CFAP47: variants seen among roughly 807,000 people sequenced by gnomAD.
CFAP47 encodes cilia- and flagella-associated protein 47.
In CFAP47, 29 loss-of-function variants were observed where a neutral mutation model predicts 148.1. The ratio of observed to expected loss-of-function variants is 0.20; its 90% CI spans 0.15 to 0.27. The LOEUF is 0.27. CFAP47 is among the 10% of genes least tolerant of loss of function. The probability of loss-of-function intolerance (pLI) is 1.00; values close to 1 mark genes in which losing one functional copy is unlikely to be tolerated. For synonymous variants in CFAP47, 664 were observed against 577.3 expected (o/e 1.15, Z -2.15); for missense variants, 1,872 against 1,697.5 (o/e 1.10, Z -1.81).
rs1337816860 is a variant in CFAP47, at chrX:36,379,487, G to A, written c.9323G>A (p.Cys3108Tyr). The change falls in exon 63 of 64, where the codon TGT becomes TAT. Residue 3108 changes from cysteine to tyrosine, a missense_variant. Transcript: ENST00000378653. The part of the protein sequence containing the change: ...ITVGFKPKMY[C>Y]RKYKATLVIQ... ...GTAGGATTTAAACCTAAAATGTACT[G>A]TAGGAAATATAAAGCAACATTAGTA... is the stretch of plus-strand genomic sequence containing the variant. 3.4e-6 allele frequency: 4 copies of A among 1,162,534 alleles called. No homozygotes were observed. Among genetic ancestry groups the A allele is most frequent in the African/African-American group, 1.8e-5 (1 of 55,651 alleles).
At chrX:36,208,943 G>A (rs782493279) in intron 45 of CFAP47, among the ~76,000 whole-genome samples, 3 of 111,221 alleles carry the variant, frequency 2.7e-5, no homozygotes, top group Non-Finnish European at 5.6e-5. Flanking sequence ...TTCAGCCTGG[G>A]CGACAAGAGA....
chrX:36,100,834 ATTCT>A (rs1001652547), intron 32 of CFAP47, among the ~76,000 whole-genome samples: 1 of 111,857 alleles, frequency 8.9e-6, no homozygotes, highest in African/African-American at 3.3e-5. Flanking sequence ...ACAGGCGCAC[ATTCT>A]TTCTTTCAAG....
At chrX:36,309,029 TTA>T (rs1421513724) in intron 55 of CFAP47, among the ~76,000 whole-genome samples, 1 of 111,642 alleles carries the variant, frequency 9.0e-6, no homozygotes. Flanking sequence ...CTAAATTAAA[TTA>T]TGTTACTACA....
chrX:35,966,688 G>A lies in CFAP47; in HGVS notation c.1534G>A (p.Val512Ile), dbSNP rs1444898459. 3 of 1,176,851 alleles carry A rather than the reference G, an allele frequency of 2.5e-6. No individual in the cohort carries two copies. Among genetic ancestry groups the A allele is most frequent in the East Asian group, 3.1e-5 (1 of 32,349 alleles). Reference sequence around the variant, plus strand: ...TTTGTCGGTAAAATCTTTCCATCACGTATATTTAGCTTTCAACAGCATCTG... The same window carrying A: ...TTTGTCGGTAAAATCTTTCCATCACATATATTTAGCTTTCAACAGCATCTG... ...QSLSVKSFHH[V>I]YLAFNSICKA... The change falls in exon 9 of 64, where the codon GTA (valine) becomes ATA (isoleucine). Residue 512 changes from valine to isoleucine, a missense_variant. Transcript: ENST00000378653.
At chrX:36,121,165 G>A (rs183885931) in intron 33 of CFAP47, among the ~76,000 whole-genome samples, 1 of 111,279 alleles carries the variant, frequency 9.0e-6, no homozygotes, top group East Asian at 2.8e-4. Context: ...TTTGTCTGAT[G>A]TAAGTATAGG....
intron 41 of CFAP47, among the ~76,000 whole-genome samples, chrX:36,189,690 T>C (rs1460388779): frequency 8.9e-6 from 1 of 112,081 alleles, no homozygotes; most frequent in Non-Finnish European, 1.9e-5. Flanking sequence ...ATATAGATAA[T>C]ACATCCTTTG....
chrX:36,148,262 A>G (rs1939261923), intron 36 of CFAP47, among the ~76,000 whole-genome samples: 1 of 111,608 alleles, frequency 9.0e-6, no homozygotes, highest in Admixed American at 9.5e-5. Flanking sequence ...TTACCTGAGC[A>G]ATGGCAGGAG....
Position 35,975,272 on chromosome X carries a change from A to G in CFAP47, c.2380A>G (p.Lys794Glu). The G allele has an allele frequency of 8.3e-7, 1 of 1,204,987 alleles. No homozygotes were observed. The change falls in exon 14 of 64, where the codon AAG becomes GAG. Residue 794 changes from lysine to glutamate, a missense_variant. Physicochemically the swap from Lys to Glu is moderately conservative, Grantham distance 56. Transcript: ENST00000378653. The part of the protein sequence containing the change: ...QLDTDLEELQ[K>E]TNQFSYVILP... Reference sequence around the variant, plus strand: ...AGATACTGATTTAGAAGAACTTCAGAAGACCAACCAATTTTCATACGTGAT... The same window carrying G: ...AGATACTGATTTAGAAGAACTTCAGGAGACCAACCAATTTTCATACGTGAT...
chrX:36,091,065 A>G (rs1470344831), intron 30 of CFAP47, among the ~76,000 whole-genome samples: 2 of 111,960 alleles, frequency 1.8e-5, no homozygotes, highest in African/African-American at 6.5e-5. Flanking sequence ...TAAGACATAA[A>G]GGTAAATATT....
intron 7 of CFAP47, 24 bp downstream of exon 7, chrX:35,953,743 A>G: frequency 5.3e-6 from 6 of 1,142,668 alleles, no homozygotes; most frequent in East Asian, 3.0e-5. Context: ...TAACAAAATT[A>G]TCAAATCCGT....
chrX:36,361,768 C>G (rs1941830595), intron 61 of CFAP47, among the ~76,000 whole-genome samples: 1 of 111,675 alleles, frequency 9.0e-6, no homozygotes, highest in African/African-American at 3.2e-5. Flanking sequence ...AGAGAATATT[C>G]TCTTCTGTAA....
At chrX:36,059,554 A>T (rs1376816417) in intron 26 of CFAP47, among the ~76,000 whole-genome samples, 1 of 112,118 alleles carries the variant, frequency 8.9e-6, no homozygotes, top group Non-Finnish European at 1.9e-5. Flanking sequence ...TCAAGGCGTG[A>T]TATTTAGCAG....
intron 49 of CFAP47, among the ~76,000 whole-genome samples, chrX:36,264,759 CT>C (rs1940870595): frequency 9.0e-6 from 1 of 111,555 alleles, no homozygotes; most frequent in African/African-American, 3.3e-5. Flanking sequence ...GGTATTTTTT[CT>C]GTGCAGATAA....
Position 36,353,654 on chromosome X carries a change from T to C in CFAP47, c.8824T>C (p.Ser2942Pro), listed in dbSNP as rs1941761669. ...AGTTTTAGTGATTCCAAAAAGAAATTCACATAATTTTTGTGAGGATCCCAA... is the reference window on the plus strand; with the variant it reads ...AGTTTTAGTGATTCCAAAAAGAAATCCACATAATTTTTGTGAGGATCCCAA... The part of the protein sequence containing the change: ...TEVLVIPKRN[S>P]HNFCEDPNEI... Residue 2942 changes from serine (S) to proline (P), a missense_variant, in exon 60 of 64, where the codon TCA (serine) becomes CCA (proline). By Grantham distance (74) the Ser-to-Pro change is moderately conservative. Coordinates refer to ENST00000378653, the MANE Select transcript of CFAP47 (RefSeq NM_001304548.2). 1 of 1,161,798 alleles carries C rather than the reference T, an allele frequency of 8.6e-7. No individual in the cohort carries two copies. The highest frequency in any genetic ancestry group is 1.2e-6 in the Non-Finnish European group (1 of 868,744).
At chrX:36,150,504 A>G (rs1443555669) in intron 37 of CFAP47, among the ~76,000 whole-genome samples, 1 of 112,319 alleles carries the variant, frequency 8.9e-6, no homozygotes, top group Non-Finnish European at 1.9e-5. Context: ...TGTGATAGAT[A>G]ACTACTAAAG....
intron 29 of CFAP47, among the ~76,000 whole-genome samples, chrX:36,081,133 A>C (rs1937973286): frequency 9.0e-6 from 1 of 111,474 alleles, no homozygotes; most frequent in African/African-American, 3.3e-5. Context: ...GAGAATATAC[A>C]AATAAGCACA....
In CFAP47 at chrX:36,107,609, A is replaced by T. The variant is rs757958739; in HGVS notation, c.5320+2918A>T. Among the ~76,000 whole-genome samples the T allele has an allele frequency of 2.7e-5, 3 of 112,182 alleles. No homozygotes were observed. In the East Asian group the frequency reaches 8.5e-4, roughly 32 times the overall value. On this transcript the variant is annotated intron_variant, in intron 33 of 63. Transcript: ENST00000378653. ...AAGCCAACAGCTTATTATTGTATCA[A>T]ATATTATACTTTTTCCCTTGAGGAT...
intron 45 of CFAP47, among the ~76,000 whole-genome samples, chrX:36,218,408 C>A (rs1032161842): frequency 4.5e-5 from 5 of 111,773 alleles, no homozygotes; most frequent in Non-Finnish European, 9.4e-5. Flanking sequence ...TGAAGGCCTA[C>A]AGAAATCCGA....
intron 30 of CFAP47, among the ~76,000 whole-genome samples, chrX:36,093,527 C>A (rs1489318994): frequency 9.0e-6 from 1 of 111,117 alleles, no homozygotes; most frequent in Non-Finnish European, 1.9e-5. Context: ...AGTACATTTT[C>A]ATGTGGCCAT....
Sources: allele counts gnomAD v4.1 joint callset (sites outside exome capture counted in the v4.1 genomes callset), GRCh38; gene constraint gnomAD v4.1.1; transcripts MANE v1.5; gene names NCBI Gene and HGNC (gene_info 2026-07-23, HGNC 2026-07-21).